ZZZ3: variants seen among roughly 807,000 people sequenced by gnomAD.
ZZZ3 encodes the protein ZZ-type zinc finger-containing protein 3.
Under a neutral mutation model 95.2 loss-of-function variants are expected in ZZZ3, and 22 were observed. The observed-to-expected ratio is 0.23, with a 90% CI of 0.17 to 0.33. The LOEUF (loss-of-function observed/expected upper bound fraction) is 0.33. ZZZ3 is among the 10% of genes least tolerant of loss of function. The pLI is 1.00. For synonymous variants in ZZZ3, 335 were observed against 358.9 expected (o/e 0.93, Z 0.75); for missense variants, 885 against 1,066.5 (o/e 0.83, Z 2.37).
chr1:77,573,746 C>A (rs942720502), intron 12 of ZZZ3, among the ~76,000 whole-genome samples: 2 of 152,040 alleles, frequency 1.3e-5, no homozygotes, highest in Non-Finnish European at 2.9e-5. Flanking sequence ...AGTATACAAT[C>A]AGTATTCGAT....
chr1:77,579,638 A>C lies in ZZZ3; in HGVS notation c.1981-10T>G. 6.7e-7 allele frequency: 1 copy of C among 1,486,492 alleles called. No homozygotes were observed. The highest frequency in any genetic ancestry group is 9.1e-7 in the Non-Finnish European group (1 of 1,099,416). The allele number at this position is 1,486,492 out of a possible 1,614,324, so 92.1% of individuals were successfully genotyped here. On this transcript the variant is annotated splice_polypyrimidine_tract_variant and intron_variant, in intron 9 of 14. Coordinates refer to ENST00000370801, the MANE Select transcript of ZZZ3 (RefSeq NM_015534.6). ...GCTGTTCCAGCTTTTTCTAAGCCAT[A>C]CCCAAGACCAAATTTAAGAAAATAT...
At chr1:77,599,377 T>C (rs1171156994) in intron 5 of ZZZ3, among the ~76,000 whole-genome samples, 1 of 152,048 alleles carries the variant, frequency 6.6e-6, no homozygotes, top group Non-Finnish European at 1.5e-5. Context: ...TATGATTACA[T>C]ATGTAATCAT....
At chr1:77,623,737 A>G (rs1667089276) in intron 5 of ZZZ3, among the ~76,000 whole-genome samples, 1 of 152,256 alleles carries the variant, frequency 6.6e-6, no homozygotes, top group East Asian at 1.9e-4. Flanking sequence ...TAGACATGTG[A>G]AAATTCAATC....
At chr1:77,678,041 G>A (rs1672424516) in intron 1 of ZZZ3, among the ~76,000 whole-genome samples, 1 of 152,032 alleles carries the variant, frequency 6.6e-6, no homozygotes, top group Admixed American at 6.6e-5. Context: ...GGCCAGCAAT[G>A]CAATGAAAAA....
intron 5 of ZZZ3, among the ~76,000 whole-genome samples, chr1:77,600,275 ATGTTT>A (rs1453240373): frequency 6.6e-6 from 1 of 152,182 alleles, no homozygotes; most frequent in African/African-American, 2.4e-5. Flanking sequence ...TAAAGTAAAG[ATGTTT>A]AATATCTTTT....
intron 5 of ZZZ3, among the ~76,000 whole-genome samples, chr1:77,605,700 T>C (rs1225208869): frequency 1.3e-5 from 2 of 152,086 alleles, no homozygotes; most frequent in Non-Finnish European, 2.9e-5. Context: ...TTCCAGGCCA[T>C]AGCTCCCAAA....
At chr1:77,649,409 A>T (rs2100954353) in intron 1 of ZZZ3, among the ~76,000 whole-genome samples, 1 of 152,262 alleles carries the variant, frequency 6.6e-6, no homozygotes, top group Admixed American at 6.5e-5. Flanking sequence ...TTCAAAAAGT[A>T]AGGTGACATA....
At chr1:77,605,882 T>C (rs559417130) in intron 5 of ZZZ3, among the ~76,000 whole-genome samples, 4 of 152,262 alleles carry the variant, frequency 2.6e-5, no homozygotes, top group Non-Finnish European at 5.9e-5. Context: ...TGAAATGTGC[T>C]GGCTTCAGGT....
intron 1 of ZZZ3, among the ~76,000 whole-genome samples, chr1:77,650,721 A>G (rs1432169944): frequency 6.6e-6 from 1 of 152,022 alleles, no homozygotes; most frequent in Non-Finnish European, 1.5e-5. Flanking sequence ...AATAACAATG[A>G]GCAGAAATCA....
In ZZZ3 at chr1:77,632,925, C is replaced by A; in HGVS notation, c.430G>T (p.Val144Leu). 1 of 1,614,174 alleles carries A rather than the reference C, an allele frequency of 6.2e-7. No individual in the cohort carries two copies. The highest frequency in any genetic ancestry group is 1.3e-5 in the African/African-American group (1 of 75,050). ...DSPIKSDKESVEQRSTVVDND... is the reference protein window; with the variant it reads ...DSPIKSDKESLEQRSTVVDND... Reference sequence around the variant, plus strand: ...TCCACTACTGTACTCCTCTGTTCTACTGACTCCTTGTCTGATTTTATAGGA... The same window carrying A: ...TCCACTACTGTACTCCTCTGTTCTAATGACTCCTTGTCTGATTTTATAGGA... Residue 144 changes from valine to leucine, a missense_variant, in exon 5 of 15, where the codon GTA becomes TTA. Val to Leu is a conservative substitution (Grantham distance 32, BLOSUM62 1). Transcript: ENST00000370801.
In ZZZ3 at chr1:77,565,601, T is replaced by C. The variant is rs377350136; in HGVS notation, c.*39A>G. On this transcript the variant is annotated 3_prime_UTR_variant, in exon 15 of 15. Transcript: ENST00000370801. ...ATAATTAACAATGATACCATTGCTATGTGTTGAAGAGGACTAGTAAATGAT... is the reference window on the plus strand; with the variant it reads ...ATAATTAACAATGATACCATTGCTACGTGTTGAAGAGGACTAGTAAATGAT... 2.5e-6 allele frequency: 4 copies of C among 1,594,820 alleles called. No homozygotes were observed. Among genetic ancestry groups the C allele is most frequent in the Middle Eastern group, 1.7e-4 (1 of 5,990 alleles).
chr1:77,618,110 G>C (rs974220325), intron 5 of ZZZ3, among the ~76,000 whole-genome samples: 1 of 151,876 alleles, frequency 6.6e-6, no homozygotes, highest in Non-Finnish European at 1.5e-5. Context: ...TTGACCAAGA[G>C]TACAATTTTA....
At chr1:77,628,089 A>C (rs901763438) in intron 5 of ZZZ3, among the ~76,000 whole-genome samples, 3 of 152,218 alleles carry the variant, frequency 2.0e-5, no homozygotes, top group Admixed American at 2.0e-4. Flanking sequence ...GACCTTCAAA[A>C]TTTAGAGATC....
At chr1:77,661,198 G>A (rs988964561) in intron 1 of ZZZ3, among the ~76,000 whole-genome samples, 9 of 152,000 alleles carry the variant, frequency 5.9e-5, no homozygotes, top group South Asian at 2.1e-4. Context: ...GGCAGATCAT[G>A]AGGTCAGACC....
At chr1:77,595,905 G>C (rs1376462977) in intron 5 of ZZZ3, among the ~76,000 whole-genome samples, 1 of 152,048 alleles carries the variant, frequency 6.6e-6, no homozygotes, top group Non-Finnish European at 1.5e-5. Context: ...AGGGTATACT[G>C]AAACTGCATT....
chr1:77,611,998 G>C (rs889017409), intron 5 of ZZZ3, among the ~76,000 whole-genome samples: 1 of 151,912 alleles, frequency 6.6e-6, no homozygotes, highest in Non-Finnish European at 1.5e-5. Flanking sequence ...AAAAGCTTCA[G>C]CGTGGCAAAG....
rs770929358 is a variant in ZZZ3, at chr1:77,632,353, G to A, written c.1002C>T (p.Asn334=). 6.2e-7 allele frequency: 1 copy of A among 1,614,104 alleles called. No homozygotes were observed. Among genetic ancestry groups the A allele is most frequent in the Non-Finnish European group, 8.5e-7 (1 of 1,180,008 alleles). ...SSASKEQCKE[N]TNNELDTSLE... is the part of the protein sequence containing the mutation. The stretch of plus-strand genomic sequence containing the variant: ...GACTTGTGTCCAGTTCGTTATTGGT[G>A]TTTTCTTTACACTGCTCTTTTGAGG... Residue 334 remains asparagine, a synonymous_variant, in exon 5 of 15, where the codon AAC becomes AAT. Transcript: ENST00000370801.
intron 11 of ZZZ3, among the ~76,000 whole-genome samples, chr1:77,578,535 A>T (rs1662189549): frequency 6.6e-6 from 1 of 152,204 alleles, no homozygotes; most frequent in South Asian, 2.1e-4. Context: ...TTTGAATCTA[A>T]AATCTTTCAA....
intron 5 of ZZZ3, among the ~76,000 whole-genome samples, chr1:77,592,522 G>A (rs919878697): frequency 1.6e-4 from 25 of 152,088 alleles, no homozygotes; most frequent in African/African-American, 4.6e-4. Context: ...GGCTGGTTTC[G>A]AAATCCTGAC....
Sources: gnomAD v4.1 joint callset for allele counts (sites outside exome capture counted in the v4.1 genomes callset) on GRCh38, gnomAD v4.1.1 for gene constraint, MANE v1.5 for transcripts, NCBI Gene and HGNC (gene_info 2026-07-23, HGNC 2026-07-21) for gene names.